NKTR: variants seen among roughly 807,000 people sequenced by gnomAD.
NKTR encodes the protein NK-tumor recognition protein.
A neutral mutation model predicts 156.3 loss-of-function variants in NKTR; 67 were observed. That is an observed-to-expected ratio of 0.43 (90% CI 0.35 to 0.53). The LOEUF is 0.53. Ranked by LOEUF, NKTR falls within the 20% of genes least tolerant of loss-of-function variation. The pLI, the probability that NKTR is intolerant of heterozygous loss-of-function variation, is 0.01. For synonymous variants in NKTR, 640 were observed against 596.6 expected (o/e 1.07, Z -1.06); for missense variants, 1,604 against 1,730.9 (o/e 0.93, Z 1.30).
At chr3:42,635,904 T>C (rs1694557495) in intron 12 of NKTR, among the ~76,000 whole-genome samples, 1 of 149,376 alleles carries the variant, frequency 6.7e-6, no homozygotes, top group African/African-American at 2.5e-5. Context: ...CGAGACTCCG[T>C]CTCAAAAAAA....
chr3:42,644,506 G>T (rs1419348210), intron 16 of NKTR, among the ~76,000 whole-genome samples: 1 of 152,024 alleles, frequency 6.6e-6, no homozygotes, highest in Non-Finnish European at 1.5e-5. Context: ...GTTAACTTTT[G>T]TACTGTCCTT....
At chr3:42,620,268 T>TC (rs1707792167) in intron 5 of NKTR, 5 of 1,244,236 alleles carry the variant, frequency 4.0e-6, no homozygotes, top group Non-Finnish European at 3.0e-6. Context: ...GGGTTTTTTT[T>TC]CCCCTAAACC....
chr3:42,638,988 C>G lies in NKTR; in HGVS notation c.3284C>G (p.Ala1095Gly). ...DDSKLSISPT[A>G]LNTEENVACL... is the part of the protein sequence containing the mutation. ...AGTAAACTCAGTATTTCTCCCACAG[C>G]TTTAAATACTGAGGAAAATGTGGCC... Residue 1095 changes from alanine to glycine, a missense_variant, in exon 13 of 17, where the codon GCT (alanine) becomes GGT (glycine). By Grantham distance (60) the Ala-to-Gly change is moderately conservative (BLOSUM62 0). Coordinates refer to ENST00000232978, the MANE Select transcript of NKTR (RefSeq NM_005385.4). 1.2e-6 allele frequency: 2 copies of G among 1,613,394 alleles called. No individual in the cohort carries two copies. The highest frequency in any genetic ancestry group is 1.7e-6 in the Non-Finnish European group (2 of 1,179,726).
In NKTR at chr3:42,608,701, C is replaced by T. The variant is rs536195887; in HGVS notation, c.58+7637C>T. On this transcript the variant is annotated intron_variant, in intron 2 of 16. Coordinates refer to ENST00000232978, the MANE Select transcript of NKTR (RefSeq NM_005385.4). ...GGAAAGTGAGGCTGAAAGTTACAGA[C>T]CTCTAACCAAGGCATGGTTTTTCTG... Among the ~76,000 whole-genome samples the T allele has an allele frequency of 1.4e-4, 21 of 152,324 alleles. No individual in the cohort carries two copies. In the South Asian group the frequency reaches 1.4e-3, roughly 11 times the overall value.
At chr3:42,617,875 TTA>T (rs1207616344) in intron 3 of NKTR, among the ~76,000 whole-genome samples, 2 of 152,098 alleles carry the variant, frequency 1.3e-5, no homozygotes, top group Admixed American at 6.5e-5. Flanking sequence ...AGAATCTACG[TTA>T]TATAATGGAA....
rs1487755832 is a variant in NKTR, at chr3:42,647,080, C to T, written c.*1105C>T. On this transcript the variant is annotated 3_prime_UTR_variant, in exon 17 of 17. Transcript: ENST00000232978. ...TTTCAAGTACAGGATATTACCACAA[C>T]AGCAGCTGAACTGTTGTAACCAGCA... 6.6e-6 allele frequency: 1 copy of T among 152,186 alleles called. No individual in the cohort carries two copies. Among genetic ancestry groups the T allele is most frequent in the Admixed American group, 6.5e-5 (1 of 15,274 alleles). The allele number at this position is 152,186 out of a possible 1,614,324, so 9.4% of individuals were successfully genotyped here.
intron 8 of NKTR, among the ~76,000 whole-genome samples, chr3:42,632,342 A>G (rs1708995751): frequency 6.6e-6 from 1 of 152,050 alleles, no homozygotes; most frequent in African/African-American, 2.4e-5. Context: ...CAGTGTTAGG[A>G]TTACAGATAT....
chr3:42,641,631 G>A lies in NKTR; in HGVS notation c.4047-870G>A, dbSNP rs185826210. 5.3e-4 allele frequency among the ~76,000 whole-genome samples: 81 copies of A among 152,272 alleles called. No homozygotes were observed. The East Asian group carries it at 0.011, about 21-fold the overall frequency. On this transcript the variant is annotated intron_variant, in intron 13 of 16. Transcript: ENST00000232978. ...GTGGTGGCTCACACCTGTAATCCCA[G>A]TACTTTGGGAGGCCGAGGTGGGCAG...
At position 42,648,611 on chromosome 3, in the gene NKTR, C is replaced by T. The variant is rs1200548159; in HGVS notation, c.*2636C>T. ...CCTGTTTATTGCAAATAGCTAGTAT[C>T]GTTCAAAAACTGTATAAAATACTTT... On this transcript the variant is annotated 3_prime_UTR_variant, in exon 17 of 17. Transcript: ENST00000232978. The T allele has an allele frequency of 1.3e-5, 2 of 152,568 alleles. No individual in the cohort carries two copies. The highest frequency in any genetic ancestry group is 6.5e-5 in the Admixed American group (1 of 15,286). 9.5% of individuals were successfully genotyped at this position (152,568 alleles called of 1,614,324 possible).
At chr3:42,612,043 G>T in intron 2 of NKTR, among the ~76,000 whole-genome samples, 1 of 152,246 alleles carries the variant, frequency 6.6e-6, no homozygotes, top group South Asian at 2.1e-4. Flanking sequence ...TGAGGATGCA[G>T]TGAGCAGAGG....
Position 42,637,868 on chromosome 3 carries a change from C to T in NKTR, c.2164C>T (p.Pro722Ser). 2 of 1,613,780 alleles carry T rather than the reference C, an allele frequency of 1.2e-6. No homozygotes were observed. Among genetic ancestry groups the T allele is most frequent in the Admixed American group, 3.3e-5 (2 of 60,006 alleles). Residue 722 changes from proline (P) to serine (S), a missense_variant, in exon 13 of 17, where the codon CCA (proline) becomes TCA (serine). Physicochemically the swap from Pro to Ser is moderately conservative, Grantham distance 74. Transcript: ENST00000232978. ...LASSHSRSRS[P>S]SSRSHSRNKY... ...TAGTTCACATTCAAGGTCTAGGTCTCCATCATCTAGATCTCATTCACGAAA... is the reference window on the plus strand; with the variant it reads ...TAGTTCACATTCAAGGTCTAGGTCTTCATCATCTAGATCTCATTCACGAAA...
chr3:42,618,005 T>G (rs1387304964), intron 3 of NKTR, among the ~76,000 whole-genome samples: 1 of 152,052 alleles, frequency 6.6e-6, no homozygotes, highest in Non-Finnish European at 1.5e-5. Flanking sequence ...ACAATAAATT[T>G]TAAATAAATA....
At position 42,639,750 on chromosome 3, in the gene NKTR, G is replaced by A. The variant is rs761955027; in HGVS notation, c.4046G>A (p.Arg1349Gln). The change falls in exon 13 of 17, where the codon CGA becomes CAA. Residue 1349 changes from arginine to glutamine, a missense_variant and splice_region_variant. Physicochemically the swap from Arg to Gln is conservative, Grantham distance 43. Coordinates refer to ENST00000232978, the MANE Select transcript of NKTR (RefSeq NM_005385.4). ...TCGAGAAGTTCCACATCATCTTATC[G>A]GTGAGCAATATTCTCTTTCCTTTCT... is the stretch of plus-strand genomic sequence containing the variant. ...SRSRSSTSSY[R>Q]SRSYSRSRSR... 8.2e-6 allele frequency: 13 copies of A among 1,590,614 alleles called. No homozygotes were observed. The highest frequency in any genetic ancestry group is 7.9e-5 in the South Asian group (7 of 88,514).
In NKTR at chr3:42,642,692, C is replaced by T. The variant is rs531278330; in HGVS notation, c.4142+96C>T. 3 of 850,706 alleles carry T rather than the reference C, an allele frequency of 3.5e-6. No individual in the cohort carries two copies. The East Asian group carries it at 7.5e-5, about 21-fold the overall frequency. 52.7% of individuals were successfully genotyped at this position (850,706 alleles called of 1,614,324 possible). The stretch of plus-strand genomic sequence containing the variant: ...GGGTAGTTGTTGAGAAGAATCATGT[C>T]ATTACTGAATATACTACTGGCCTAT... On this transcript the variant is annotated intron_variant, in intron 14 of 16. Transcript: ENST00000232978.
intron 16 of NKTR, 89 bp downstream of exon 16, chr3:42,644,092 G>T: frequency 1.4e-6 from 1 of 734,126 alleles, no homozygotes; most frequent in Non-Finnish European, 2.3e-6. Context: ...TAGTGGAAGA[G>T]AAAGTGGTAT....
chr3:42,627,017 CT>C (rs1482572876), intron 6 of NKTR: 1 of 248,826 alleles, frequency 4.0e-6, no homozygotes, highest in African/African-American at 2.3e-5. Flanking sequence ...CATAATTCAT[CT>C]CTACGTAAAT....
At chr3:42,622,879 A>G (rs1454407917) in intron 6 of NKTR, among the ~76,000 whole-genome samples, 1 of 151,996 alleles carries the variant, frequency 6.6e-6, no homozygotes, top group African/African-American at 2.4e-5. Context: ...GTAATGATTC[A>G]TTGGTCAAGA....
chr3:42,631,056 A>G (rs919274672), intron 7 of NKTR, 115 bp from the exon 8 acceptor site: 6 of 1,461,580 alleles, frequency 4.1e-6, no homozygotes, highest in South Asian at 3.0e-5. Context: ...TACAACAAAC[A>G]GTTTGGTTTT....
intron 6 of NKTR, among the ~76,000 whole-genome samples, chr3:42,625,778 G>T (rs1411564167): frequency 6.6e-6 from 1 of 152,054 alleles, no homozygotes; most frequent in African/African-American, 2.4e-5. Context: ...GTGAAACTTA[G>T]CCATAAACCA....
Sources: allele counts gnomAD v4.1 joint callset (sites outside exome capture counted in the v4.1 genomes callset), GRCh38; gene constraint gnomAD v4.1.1; transcripts MANE v1.5; gene names NCBI Gene and HGNC (gene_info 2026-07-23, HGNC 2026-07-21).